The following MGAT5 variants were observed in gnomAD, a reference collection of about 807,000 sequenced individuals.
MGAT5 encodes alpha-1,6-mannosylglycoprotein 6-beta-N-acetylglucosaminyltransferase.
In MGAT5, 30 loss-of-function variants were observed where a neutral mutation model predicts 94.3. The observed-to-expected ratio is 0.32, with a 90% confidence interval of 0.24 to 0.43. MGAT5 has a LOEUF of 0.43. Among genes scored for constraint, MGAT5 ranks in the 20% least tolerant of loss-of-function variants. The pLI is 1.00. For missense variants in MGAT5, 691 were observed against 905.5 expected, an observed-to-expected ratio of 0.76 and a Z score of 3.04; for synonymous variants, 310 against 322.9, an observed-to-expected ratio of 0.96 and a Z score of 0.43.
intron 2 of MGAT5, among the ~76,000 whole-genome samples, chr2:134,316,460 G>A (rs963700978): frequency 6.6e-6 from 1 of 151,994 alleles, no homozygotes; most frequent in Non-Finnish European, 1.5e-5. Flanking sequence ...GAGTGGGTTG[G>A]GTATCTTGCC....
intron 1 of MGAT5, among the ~76,000 whole-genome samples, chr2:134,209,163 TTTTTTTA>T (rs1558989281): frequency 1.2e-3 from 18 of 14,586 alleles, no homozygotes; most frequent in Non-Finnish European, 1.6e-3. Context: ...TTTTTTTTTT[TTTTTTTA>T]TTTTTTTTTT....
At chr2:134,403,426 G>T (rs1051827790) in intron 11 of MGAT5, among the ~76,000 whole-genome samples, 1 of 152,224 alleles carries the variant, frequency 6.6e-6, no homozygotes, top group Non-Finnish European at 1.5e-5. Flanking sequence ...GTAAAGCCCT[G>T]CCTGGAAGGA....
chr2:134,125,827 G>A (rs1685815018), intron 1 of MGAT5, among the ~76,000 whole-genome samples: 1 of 152,126 alleles, frequency 6.6e-6, no homozygotes, highest in Non-Finnish European at 1.5e-5. Flanking sequence ...TGGAATGAGG[G>A]GTTCCCTTTC....
rs549763419 is a variant in MGAT5 at position 134,355,634 on chromosome 2, C to T, written c.1246+5696C>T. On this transcript the variant is annotated intron_variant, in intron 9 of 15. Coordinates refer to ENST00000281923, the MANE Select transcript of MGAT5 (RefSeq NM_002410.5). ...AGTAAATAAATGCAAGAAATCTGCC[C>T]GCACAGAAAAATAAGAGCGAAGGCA... Among the ~76,000 whole-genome samples the T allele has an allele frequency of 2.6e-4, 40 of 152,204 alleles. 1 individual carries two copies. The highest frequency in any genetic ancestry group is 8.4e-4 in the African/African-American group (35 of 41,526).
Position 134,356,041 on chromosome 2 carries a change from A to ATTTAT in MGAT5, c.1246+6121_1246+6125dup, listed in dbSNP as rs572580816. Among the ~76,000 whole-genome samples the ATTTAT allele has an allele frequency of 6.0e-3, 918 of 152,246 alleles. 6 individuals are homozygous for ATTTAT. Among genetic ancestry groups the ATTTAT allele is most frequent in the Admixed American group, 0.015 (226 of 15,282 alleles). ...GAGCAAACTATGTTTGTATAGTTTT[A>ATTTAT]TTTATTTTATTTTATTTTATTTATG... On this transcript the variant is annotated intron_variant, in intron 9 of 15. Coordinates refer to ENST00000281923, the MANE Select transcript of MGAT5 (RefSeq NM_002410.5).
Position 134,375,259 on chromosome 2 carries a change from G to A in MGAT5, c.1380+12851G>A, listed in dbSNP as rs182724830. The stretch of plus-strand genomic sequence containing the variant: ...AAGGTTCCTCAGGTGGTCAGGATTT[G>A]AATTACATCATGTATTGTAGCCAAC... On this transcript the variant is annotated intron_variant, in intron 10 of 15. Coordinates refer to ENST00000281923, the MANE Select transcript of MGAT5 (RefSeq NM_002410.5). Among the ~76,000 whole-genome samples, 624 of 152,294 alleles carry A rather than the reference G, an allele frequency of 4.1e-3. 4 individuals carry two copies. The highest frequency in any genetic ancestry group is 0.014 in the African/African-American group (587 of 41,564).
At chr2:134,244,660 C>G (rs997743329) in intron 1 of MGAT5, among the ~76,000 whole-genome samples, 1 of 152,206 alleles carries the variant, frequency 6.6e-6, no homozygotes, top group Non-Finnish European at 1.5e-5. Context: ...GTCTGCTTCT[C>G]TCTCACTCTG....
chr2:134,282,354 G>A (rs1020969710), intron 2 of MGAT5, among the ~76,000 whole-genome samples: 6 of 152,130 alleles, frequency 3.9e-5, no homozygotes, highest in Non-Finnish European at 2.9e-5. Context: ...TCATGCCCCC[G>A]GGCTACCAGT....
At chr2:134,315,225 G>C (rs746962554) in intron 2 of MGAT5, among the ~76,000 whole-genome samples, 1 of 152,146 alleles carries the variant, frequency 6.6e-6, no homozygotes, top group African/African-American at 2.4e-5. Context: ...TATTTCAGGA[G>C]TAGAATAGTA....
chr2:134,337,402 C>T (rs1419843335), intron 5 of MGAT5, among the ~76,000 whole-genome samples: 2 of 152,074 alleles, frequency 1.3e-5, no homozygotes, highest in South Asian at 2.1e-4. Context: ...CGCTTGAGCG[C>T]AAGTTCAAGG....
intron 15 of MGAT5, among the ~76,000 whole-genome samples, chr2:134,445,582 A>C (rs1179038906): frequency 6.6e-6 from 1 of 152,020 alleles, no homozygotes; most frequent in Non-Finnish European, 1.5e-5. Context: ...GACTTCAGTC[A>C]CAGCGTGGTC....
At chr2:134,448,508 G>A in intron 15 of MGAT5, 141 bp from the exon 16 acceptor site, 1 of 779,392 alleles carries the variant, frequency 1.3e-6, no homozygotes, top group Non-Finnish European at 2.3e-6. Flanking sequence ...GACGAAGAGG[G>A]TGGGCACCAT....
At position 134,313,863 on chromosome 2, in the gene MGAT5, G is replaced by C. The variant is rs1686845712; in HGVS notation, c.407-3666G>C. On this transcript the variant is annotated intron_variant, in intron 2 of 15. Transcript: ENST00000281923. ...AGTACCCACCTCCCTCTTTTGAAGAGAGCTTGTGTATAGTAAGCTCAGTTT... is the reference window on the plus strand; with the variant it reads ...AGTACCCACCTCCCTCTTTTGAAGACAGCTTGTGTATAGTAAGCTCAGTTT... Among the ~76,000 whole-genome samples the C allele has an allele frequency of 2.0e-5, 3 of 152,156 alleles. No homozygotes were observed. The South Asian group carries it at 6.2e-4, about 32-fold the overall frequency.
At chr2:134,441,652 C>G (rs1442840312) in intron 14 of MGAT5, 106 bp from the exon 15 acceptor site, 4 of 1,345,962 alleles carry the variant, frequency 3.0e-6, no homozygotes, top group Non-Finnish European at 4.1e-6. Flanking sequence ...TTCCCCGTCC[C>G]TGTGCTCTCC....
chr2:134,217,377 TAACTC>T (rs1179036259), intron 1 of MGAT5, among the ~76,000 whole-genome samples: 2 of 152,114 alleles, frequency 1.3e-5, no homozygotes, highest in African/African-American at 4.8e-5. Context: ...CATGTTAAAT[TAACTC>T]ATTCAATCTT....
chr2:134,179,646 T>C (rs1461271168), intron 1 of MGAT5, among the ~76,000 whole-genome samples: 1 of 152,240 alleles, frequency 6.6e-6, no homozygotes, highest in Non-Finnish European at 1.5e-5. Context: ...CCAGGCAGTC[T>C]GGTCCCCAAC....
rs559383653 is a variant in MGAT5, at chr2:134,203,492, TG to T, written c.-142-50769del. ...TAGTGCCATTGATTTTTACATTAAA[TG>T]TTTTTTTTCCCCAAAAGCTCAGGTG... On this transcript the variant is annotated intron_variant, in intron 1 of 16. Coordinates refer to the MGAT5 transcript ENST00000409645. 1.5e-3 allele frequency among the ~76,000 whole-genome samples: 233 copies of T among 152,252 alleles called. 2 individuals carry two copies. The highest frequency in any genetic ancestry group is 5.3e-3 in the African/African-American group (222 of 41,536).
intron 1 of MGAT5, among the ~76,000 whole-genome samples, chr2:134,201,263 A>C (rs937708357): frequency 1.3e-5 from 2 of 152,258 alleles, no homozygotes; most frequent in Admixed American, 1.3e-4. Flanking sequence ...AGTGTTAAAT[A>C]AGGCAAAAGT....
At chr2:134,130,280 G>A (rs1257258352) in intron 1 of MGAT5, among the ~76,000 whole-genome samples, 1 of 36,590 alleles carries the variant, frequency 2.7e-5, no homozygotes, top group African/African-American at 1.0e-4. Flanking sequence ...CCACACCCTG[G>A]CGGTGGGCTC....
Sources: allele counts gnomAD v4.1 joint callset (sites outside exome capture counted in the v4.1 genomes callset), GRCh38; gene constraint gnomAD v4.1.1; transcripts MANE v1.5; gene names NCBI Gene and HGNC (gene_info 2026-07-23, HGNC 2026-07-21).